CSMD1: variants seen among roughly 807,000 people sequenced by gnomAD.
CSMD1 encodes CUB and sushi domain-containing protein 1.
CSMD1 carries 213 observed loss-of-function variants against 417.5 expected under a neutral mutation model. That is an observed-to-expected ratio of 0.51 (90% CI 0.46 to 0.57). CSMD1 has a LOEUF of 0.57. Ranked by LOEUF, CSMD1 falls within the 20% of genes least tolerant of loss-of-function variation. The pLI is 0.00. For synonymous variants in CSMD1, 2,862 were observed against 1,736.8 expected, an observed-to-expected ratio of 1.65 and a Z score of -16.11; for missense variants, 6,923 against 4,529.7, an observed-to-expected ratio of 1.53 and a Z score of -15.17.
At chr8:4,465,565 A>C (rs918871857) in intron 2 of CSMD1, among the ~76,000 whole-genome samples, 1 of 152,160 alleles carries the variant, frequency 6.6e-6, no homozygotes, top group African/African-American at 2.4e-5. Context: ...CAAGTAAAGC[A>C]ATGCCTGTTT....
intron 3 of CSMD1, among the ~76,000 whole-genome samples, chr8:4,229,793 T>TC (rs757406060): frequency 6.6e-6 from 1 of 152,176 alleles, no homozygotes; most frequent in Admixed American, 6.5e-5. Flanking sequence ...CATCACTCAC[T>TC]CCTTCCTTTT....
chr8:3,540,477 G>A (rs1361710917), intron 10 of CSMD1, among the ~76,000 whole-genome samples: 3 of 152,140 alleles, frequency 2.0e-5, no homozygotes, highest in Admixed American at 1.3e-4. Context: ...CACGGGCAAC[G>A]AATTCATGAC....
At chr8:3,765,641 A>G (rs764020710) in intron 5 of CSMD1, among the ~76,000 whole-genome samples, 15 of 152,202 alleles carry the variant, frequency 9.9e-5, no homozygotes, top group African/African-American at 3.1e-4. Context: ...GAACCCTAAG[A>G]TGATAAAGCA....
intron 7 of CSMD1, among the ~76,000 whole-genome samples, chr8:3,640,763 C>T (rs1444305392): frequency 1.3e-5 from 2 of 152,256 alleles, no homozygotes; most frequent in African/African-American, 2.4e-5. Context: ...GGAAGTGAGA[C>T]ATTCACAGCC....
chr8:3,053,814 T>C (rs1812033022), intron 49 of CSMD1, among the ~76,000 whole-genome samples: 1 of 152,200 alleles, frequency 6.6e-6, no homozygotes, highest in African/African-American at 2.4e-5. Flanking sequence ...CCACTTCAGC[T>C]GCACTCATAA....
intron 2 of CSMD1, among the ~76,000 whole-genome samples, chr8:4,460,283 T>G (rs1177615410): frequency 1.3e-5 from 2 of 151,946 alleles, no homozygotes; most frequent in Admixed American, 1.3e-4. Context: ...AAAAATAATA[T>G]GAACGAAAAT....
chr8:4,563,482 C>T (rs568848667), intron 2 of CSMD1, among the ~76,000 whole-genome samples: 1 of 152,122 alleles, frequency 6.6e-6, no homozygotes, highest in East Asian at 1.9e-4. Flanking sequence ...ACAGGCTCTC[C>T]CGTTCAGTAT....
chr8:4,345,067 G>T (rs1201961491), intron 3 of CSMD1, among the ~76,000 whole-genome samples: 1 of 152,106 alleles, frequency 6.6e-6, no homozygotes, highest in African/African-American at 2.4e-5. Context: ...AAGTCAGTCT[G>T]TGGTTGGGGC....
intron 1 of CSMD1, among the ~76,000 whole-genome samples, chr8:4,741,895 A>G (rs1810633345): frequency 6.6e-6 from 1 of 150,624 alleles, no homozygotes; most frequent in Non-Finnish European, 1.5e-5. Context: ...GTACAGTAGC[A>G]TGATCACAGC....
At chr8:4,878,424 T>C (rs1055890423) in intron 1 of CSMD1, among the ~76,000 whole-genome samples, 1 of 151,992 alleles carries the variant, frequency 6.6e-6, no homozygotes, top group African/African-American at 2.4e-5. Flanking sequence ...TAGTAATATA[T>C]GATTAAAAAT....
At chr8:4,458,765 T>C (rs1390883824) in intron 2 of CSMD1, among the ~76,000 whole-genome samples, 1 of 152,180 alleles carries the variant, frequency 6.6e-6, no homozygotes, top group Non-Finnish European at 1.5e-5. Context: ...ATTTTATGCA[T>C]TGAATAAGAT....
intron 5 of CSMD1, among the ~76,000 whole-genome samples, chr8:3,902,031 C>T (rs974050878): frequency 6.6e-6 from 1 of 152,170 alleles, no homozygotes; most frequent in South Asian, 2.1e-4. Context: ...ATTTATTATA[C>T]GTTGTTCTTC....
chr8:3,290,192 GT>G lies in CSMD1; in HGVS notation c.3951-5847del, dbSNP rs1336262878. ...TTCTGTTCCATTGGTCTCTATCTCT[GT>G]TTTGGTACCAGTACCATGCTGTTTT... On this transcript the variant is annotated intron_variant, in intron 25 of 69. Coordinates refer to ENST00000635120, the MANE Select transcript of CSMD1 (RefSeq NM_033225.6). Among the ~76,000 whole-genome samples the G allele has an allele frequency of 4.1e-5, 6 of 147,242 alleles. 2 individuals carry two copies. Among genetic ancestry groups the G allele is most frequent in the African/African-American group, 1.6e-4 (6 of 37,018 alleles).
chr8:4,621,115 T>C (rs1406383896), intron 2 of CSMD1, among the ~76,000 whole-genome samples: 2 of 152,098 alleles, frequency 1.3e-5, no homozygotes, highest in Non-Finnish European at 2.9e-5. Flanking sequence ...CTGAAATTCT[T>C]AGGACCAGAC....
intron 5 of CSMD1, among the ~76,000 whole-genome samples, chr8:3,808,842 G>C (rs1800900040): frequency 6.6e-6 from 1 of 152,172 alleles, no homozygotes; most frequent in Non-Finnish European, 1.5e-5. Context: ...TATTTCCAAA[G>C]GAAAGCGCAG....
chr8:3,861,745 A>G (rs1376005659), intron 5 of CSMD1, among the ~76,000 whole-genome samples: 1 of 152,186 alleles, frequency 6.6e-6, no homozygotes, highest in Admixed American at 6.6e-5. Context: ...AGATTTTACC[A>G]AAAGAAATAT....
intron 3 of CSMD1, among the ~76,000 whole-genome samples, chr8:4,306,683 G>C (rs541221896): frequency 6.6e-6 from 1 of 152,112 alleles, no homozygotes; most frequent in East Asian, 1.9e-4. Context: ...CAATTCACAT[G>C]CTCTCCTCTT....
In CSMD1 at chr8:4,263,405, T is replaced by C. The variant is rs140595474; in HGVS notation, c.415+156548A>G. ...AAACCTGCTTTGACCACATTTCTATTACATTCAGGTAAACAAAAACATCGT... is the reference window on the plus strand; with the variant it reads ...AAACCTGCTTTGACCACATTTCTATCACATTCAGGTAAACAAAAACATCGT... On this transcript the variant is annotated intron_variant, in intron 3 of 69. Transcript: ENST00000635120. 6.0e-3 allele frequency among the ~76,000 whole-genome samples: 919 copies of C among 152,322 alleles called. 11 individuals carry two copies. The highest frequency in any genetic ancestry group is 0.021 in the African/African-American group (882 of 41,566).
intron 3 of CSMD1, among the ~76,000 whole-genome samples, chr8:4,318,627 G>GAC (rs1410125285): frequency 6.8e-6 from 1 of 148,052 alleles, no homozygotes; most frequent in Non-Finnish European, 1.5e-5. Context: ...AATTAAAAGT[G>GAC]ACACACCTTC....
Sources: gnomAD v4.1 joint callset for allele counts (sites outside exome capture counted in the v4.1 genomes callset) on GRCh38, gnomAD v4.1.1 for gene constraint, MANE v1.5 for transcripts, NCBI Gene and HGNC (gene_info 2026-07-23, HGNC 2026-07-21) for gene names.